The following DNAJC11 variants were observed in gnomAD, a reference collection of about 807,000 sequenced individuals.
DNAJC11 encodes DnaJ heat shock protein family (Hsp40) member C11.
In DNAJC11, 15 loss-of-function variants were observed where a neutral mutation model predicts 78.6. The observed-to-expected ratio is 0.19, with a 90% CI of 0.13 to 0.29. The LOEUF (loss-of-function observed/expected upper bound fraction) is 0.29. Among genes scored for constraint, DNAJC11 ranks in the 10% least tolerant of loss-of-function variants. The pLI, the probability that DNAJC11 is intolerant of heterozygous loss-of-function variation, is 1.00. For synonymous variants in DNAJC11, 292 were observed against 272.1 expected (o/e 1.07, Z -0.72); for missense variants, 547 against 709.6 (o/e 0.77, Z 2.60).
chr1:6,658,906 G>C (rs1217329618), intron 4 of DNAJC11, among the ~76,000 whole-genome samples: 1 of 152,178 alleles, frequency 6.6e-6, no homozygotes, highest in Admixed American at 6.5e-5. Context: ...ATACAGCCCA[G>C]ATAGGAGCAA....
chr1:6,650,818 A>G (rs1187825462), intron 7 of DNAJC11, among the ~76,000 whole-genome samples: 1 of 152,072 alleles, frequency 6.6e-6, no homozygotes, highest in African/African-American at 2.4e-5. Flanking sequence ...GGCTGCAGTG[A>G]GCCGAGATCA....
chr1:6,686,652 G>A (rs575376491), intron 1 of DNAJC11, among the ~76,000 whole-genome samples: 1 of 152,290 alleles, frequency 6.6e-6, no homozygotes, highest in South Asian at 2.1e-4. Flanking sequence ...TGACCACAAG[G>A]ACACTAACTA....
Position 6,634,868 on chromosome 1 carries a change from C to T in DNAJC11, c.*807G>A, listed in dbSNP as rs1321862763. 1 of 1,214,218 alleles carries T rather than the reference C, an allele frequency of 8.2e-7. No individual in the cohort carries two copies. Among genetic ancestry groups the T allele is most frequent in the Non-Finnish European group, 1.1e-6 (1 of 945,484 alleles). 75.2% of individuals were successfully genotyped at this position (1,214,218 alleles called of 1,614,324 possible). A position where few individuals can be genotyped will look rare whatever the true frequency, so the allele number is the denominator to read the frequency against. On this transcript the variant is annotated 3_prime_UTR_variant, in exon 16 of 16. Transcript: ENST00000377577. ...GTCTTGCCAAGCGCCTGGTCCTGTC[C>T]TCTTGAGCTGCCCTTGCCCAGCACT... is the stretch of plus-strand genomic sequence containing the variant.
chr1:6,651,263 C>T (rs1642051045), intron 7 of DNAJC11: 1 of 650,348 alleles, frequency 1.5e-6, no homozygotes, highest in Non-Finnish European at 2.9e-6. Context: ...TTCTCCGTGG[C>T]CTTGTGGCAT....
At chr1:6,672,708 T>C (rs943058136) in intron 3 of DNAJC11, among the ~76,000 whole-genome samples, 1 of 152,224 alleles carries the variant, frequency 6.6e-6, no homozygotes, top group African/African-American at 2.4e-5. Flanking sequence ...ACAGAATACA[T>C]GATGCCAGAG....
intron 1 of DNAJC11, among the ~76,000 whole-genome samples, chr1:6,696,502 C>G (rs934438961): frequency 1.3e-5 from 2 of 152,182 alleles, no homozygotes; most frequent in African/African-American, 2.4e-5. Flanking sequence ...TCTTCTAGCC[C>G]TTCCTTTCCA....
rs368884220 is a variant in DNAJC11 at position 6,634,302 on chromosome 1, C to A, written c.*1373G>T. On this transcript the variant is annotated 3_prime_UTR_variant, in exon 16 of 16. Coordinates refer to ENST00000377577, the MANE Select transcript of DNAJC11 (RefSeq NM_018198.4). Reference sequence around the variant, plus strand: ...GCCCGGGGCCCAGGCTCATGCAACACGACGCTCACCGCGGCTCGGGCCGTG... The same window carrying A: ...GCCCGGGGCCCAGGCTCATGCAACAAGACGCTCACCGCGGCTCGGGCCGTG... 49 of 928,372 alleles carry A rather than the reference C, an allele frequency of 5.3e-5. No individual in the cohort carries two copies. In the African/African-American group the frequency reaches 7.2e-4, roughly 14 times the overall value. The allele number at this position is 928,372 out of a possible 1,614,324, so 57.5% of individuals were successfully genotyped here.
chr1:6,638,088 T>G, intron 12 of DNAJC11: 1 of 483,134 alleles, frequency 2.1e-6, no homozygotes, highest in East Asian at 3.2e-5. Context: ...CTCACCACTT[T>G]AAAAAAGCCC....
chr1:6,670,396 G>A (rs765296228), intron 3 of DNAJC11: 11 of 151,436 alleles, frequency 7.3e-5, no homozygotes, highest in South Asian at 2.1e-4. Flanking sequence ...ATGTACCTAC[G>A]TATGTGCGCA....
In DNAJC11 at chr1:6,634,901, G is replaced by A; in HGVS notation, c.*774C>T. 1 of 1,183,210 alleles carries A rather than the reference G, an allele frequency of 8.5e-7. No individual in the cohort carries two copies. The highest frequency in any genetic ancestry group is 3.6e-5 in the Admixed American group (1 of 28,020). The allele number at this position is 1,183,210 out of a possible 1,614,324, so 73.3% of individuals were successfully genotyped here. A position where few individuals can be genotyped will look rare whatever the true frequency, so the allele number is the denominator to read the frequency against. Reference sequence around the variant, plus strand: ...CTGCCCTTGCCCAGCACTGCACTCTGGAGGTGGGTGGTGCAGGCGGTGGAG... The same window carrying A: ...CTGCCCTTGCCCAGCACTGCACTCTAGAGGTGGGTGGTGCAGGCGGTGGAG... On this transcript the variant is annotated 3_prime_UTR_variant, in exon 16 of 16. Transcript: ENST00000377577.
At chr1:6,677,676 T>C (rs1312176810) in intron 3 of DNAJC11, among the ~76,000 whole-genome samples, 1 of 152,196 alleles carries the variant, frequency 6.6e-6, no homozygotes. Context: ...ATATTCATTT[T>C]TCAGATAGTA....
At chr1:6,658,028 G>A (rs200438) in intron 4 of DNAJC11, among the ~76,000 whole-genome samples, 134,452 of 152,220 alleles carry the variant, frequency 0.88, 59,696 homozygotes, top group Admixed American at 0.94. Context: ...CATTTCAACA[G>A]TGATCACAGA....
chr1:6,647,898 C>T (rs1443552426), intron 7 of DNAJC11, among the ~76,000 whole-genome samples: 4 of 152,122 alleles, frequency 2.6e-5, no homozygotes, highest in Non-Finnish European at 1.5e-5. Flanking sequence ...GTTGTCCTTC[C>T]GTTTAAATCT....
chr1:6,657,385 G>A (rs532592583), intron 4 of DNAJC11, among the ~76,000 whole-genome samples: 18 of 152,328 alleles, frequency 1.2e-4, no homozygotes, highest in Admixed American at 1.0e-3. Context: ...AGACATGAAT[G>A]CAGAAGCCAC....
At chr1:6,658,948 G>C (rs6577586) in intron 4 of DNAJC11, among the ~76,000 whole-genome samples, 3 of 151,954 alleles carry the variant, frequency 2.0e-5, no homozygotes, top group African/African-American at 7.3e-5. Flanking sequence ...GTCCTGCACT[G>C]GCTCTGCAAA....
intron 7 of DNAJC11, 126 bp from the exon 8 acceptor site, chr1:6,646,104 GT>G: frequency 1.1e-6 from 1 of 913,336 alleles, no homozygotes; most frequent in Non-Finnish European, 1.6e-6. Flanking sequence ...CCAGCTCCCA[GT>G]AAAAAAAAAA....
intron 3 of DNAJC11, among the ~76,000 whole-genome samples, chr1:6,678,023 TGGAA>T (rs1318882492): frequency 6.6e-6 from 1 of 152,084 alleles, no homozygotes; most frequent in Non-Finnish European, 1.5e-5. Flanking sequence ...CTGTGGAGGG[TGGAA>T]GGGAGTGTAT....
In DNAJC11 at chr1:6,692,083, T is replaced by C. The variant is rs74917099; in HGVS notation, c.72+9646A>G. ...GTTTTATTACTAAATTCACAGCAAA[T>C]ACAAAAGTTTTCCATTGAATTCTCT... On this transcript the variant is annotated intron_variant, in intron 1 of 15. Transcript: ENST00000377577. Among the ~76,000 whole-genome samples the C allele has an allele frequency of 4.4e-4, 67 of 152,296 alleles. 1 individual carries two copies. The highest frequency in any genetic ancestry group is 1.3e-3 in the East Asian group (7 of 5,186).
At chr1:6,684,405 T>G (rs1203464485) in intron 1 of DNAJC11, among the ~76,000 whole-genome samples, 2 of 152,208 alleles carry the variant, frequency 1.3e-5, no homozygotes, top group Non-Finnish European at 2.9e-5. Context: ...TTTCTGCAAA[T>G]TTTAATTGTC....
Sources: allele counts gnomAD v4.1 joint callset (sites outside exome capture counted in the v4.1 genomes callset), GRCh38; gene constraint gnomAD v4.1.1; transcripts MANE v1.5; gene names NCBI Gene and HGNC (gene_info 2026-07-23, HGNC 2026-07-21).